Variants in INPP4B observed in about 807,000 individuals in gnomAD.
The protein encoded by INPP4B is inositol polyphosphate-4-phosphatase type II B.
A neutral mutation model predicts 122.5 loss-of-function variants in INPP4B; 55 were observed. That is an observed-to-expected ratio of 0.45 (90% CI 0.36 to 0.56). The LOEUF (loss-of-function observed/expected upper bound fraction) is 0.56. INPP4B is among the 20% of genes least tolerant of loss of function. The pLI is 0.00. For missense variants in INPP4B, 1,000 were observed against 1,097.7 expected (o/e 0.91, Z 1.26); for synonymous variants, 403 against 388.7 (o/e 1.04, Z -0.43).
chr4:142,063,249 C>T (rs1389273815), intron 25 of INPP4B, among the ~76,000 whole-genome samples: 1 of 152,112 alleles, frequency 6.6e-6, no homozygotes, highest in Non-Finnish European at 1.5e-5. Context: ...TCTGCCTGAA[C>T]AGAAAGCCTA....
chr4:142,614,142 G>A (rs577033111), intron 2 of INPP4B, among the ~76,000 whole-genome samples: 1 of 152,280 alleles, frequency 6.6e-6, no homozygotes, highest in South Asian at 2.1e-4. Context: ...AGAATCACTT[G>A]AGGCTGGGAG....
At chr4:142,516,202 T>A (rs1470653016) in intron 2 of INPP4B, among the ~76,000 whole-genome samples, 2 of 152,226 alleles carry the variant, frequency 1.3e-5, no homozygotes, top group South Asian at 2.1e-4. Flanking sequence ...CTCAATTCTA[T>A]TACTGCAAAC....
intron 3 of INPP4B, among the ~76,000 whole-genome samples, chr4:142,444,051 G>C (rs1812397054): frequency 6.6e-6 from 1 of 152,070 alleles, no homozygotes; most frequent in South Asian, 2.1e-4. Context: ...TGACCAGATG[G>C]GGAATTTTAG....
At chr4:142,219,463 C>T (rs1159047007) in intron 12 of INPP4B, among the ~76,000 whole-genome samples, 3 of 152,186 alleles carry the variant, frequency 2.0e-5, no homozygotes, top group African/African-American at 4.8e-5. Flanking sequence ...AGTTATTAAA[C>T]ATGGCCAGCA....
rs187422807 is a variant in INPP4B, at chr4:142,028,422, A to G, written c.*360T>C. ...CCTCTCCTCTCTTCCATTTGGTTGG[A>G]GAGTGGTGCTCTGTGAATCACCCCT... is the stretch of plus-strand genomic sequence containing the variant. On this transcript the variant is annotated 3_prime_UTR_variant, in exon 26 of 26. Coordinates refer to ENST00000262992, the MANE Select transcript of INPP4B (RefSeq NM_001101669.3). The G allele has an allele frequency of 1.6e-4, 40 of 246,522 alleles. No homozygotes were observed. Among genetic ancestry groups the G allele is most frequent in the Non-Finnish European group, 2.5e-4 (32 of 127,476 alleles). The allele number at this position is 246,522 out of a possible 1,614,324, so 15.3% of individuals were successfully genotyped here.
intron 6 of INPP4B, 84 bp downstream of exon 6, chr4:142,405,122 G>GGGGA: frequency 8.5e-6 from 6 of 701,882 alleles, no homozygotes; most frequent in Non-Finnish European, 1.5e-5. Context: ...CGGGGGTGGG[G>GGGGA]GGGAGGGAGA....
chr4:142,165,793 T>C (rs1211668400), intron 16 of INPP4B, among the ~76,000 whole-genome samples: 1 of 151,798 alleles, frequency 6.6e-6, no homozygotes, highest in African/African-American at 2.4e-5. Flanking sequence ...GAAACATTGC[T>C]GAAACATTCA....
chr4:142,505,903 G>A (rs999733631), intron 2 of INPP4B, among the ~76,000 whole-genome samples: 1 of 152,050 alleles, frequency 6.6e-6, no homozygotes, highest in African/African-American at 2.4e-5. Context: ...AACAATTCCT[G>A]CAATGCCTAC....
intron 3 of INPP4B, among the ~76,000 whole-genome samples, chr4:142,442,295 C>T (rs957196416): frequency 2.0e-5 from 3 of 150,928 alleles, no homozygotes; most frequent in African/African-American, 7.3e-5. Flanking sequence ...GCCTGTAATC[C>T]CAGCTATATG....
chr4:142,037,725 C>G (rs1744848151), intron 25 of INPP4B, among the ~76,000 whole-genome samples: 1 of 152,026 alleles, frequency 6.6e-6, no homozygotes, highest in Non-Finnish European at 1.5e-5. Flanking sequence ...TCTGATGGAT[C>G]AATATTAATA....
At chr4:142,789,524 G>A (rs554817479) in intron 1 of INPP4B, among the ~76,000 whole-genome samples, 2 of 151,894 alleles carry the variant, frequency 1.3e-5, no homozygotes, top group East Asian at 3.9e-4. Context: ...AATGAAGGAG[G>A]TTAGGTATAT....
At chr4:142,689,654 C>A (rs1369478479) in intron 2 of INPP4B, among the ~76,000 whole-genome samples, 1 of 152,134 alleles carries the variant, frequency 6.6e-6, no homozygotes, top group Non-Finnish European at 1.5e-5. Flanking sequence ...ATTAATTCTG[C>A]AAACTTGTTA....
chr4:142,057,935 T>C (rs561710187), intron 25 of INPP4B, among the ~76,000 whole-genome samples: 1 of 152,256 alleles, frequency 6.6e-6, no homozygotes, highest in South Asian at 2.1e-4. Flanking sequence ...TGTGAGCATG[T>C]ATTGCACTTT....
intron 2 of INPP4B, among the ~76,000 whole-genome samples, chr4:142,580,535 G>A (rs996147282): frequency 8.5e-5 from 13 of 152,136 alleles, no homozygotes; most frequent in African/African-American, 2.6e-4. Flanking sequence ...CACGACAGCT[G>A]TGGTGAAAAT....
At chr4:142,517,048 T>G (rs1825500054) in intron 2 of INPP4B, among the ~76,000 whole-genome samples, 2 of 151,890 alleles carry the variant, frequency 1.3e-5, no homozygotes, top group Non-Finnish European at 2.9e-5. Context: ...AGCATTAATT[T>G]CTTGATCTAG....
chr4:142,359,225 C>CA (rs36016956), intron 7 of INPP4B, among the ~76,000 whole-genome samples: 1,718 of 143,698 alleles, frequency 0.012, 25 homozygotes, highest in African/African-American at 0.033. Context: ...AACAAACAAA[C>CA]AAAAAAAAAA....
intron 1 of INPP4B, among the ~76,000 whole-genome samples, chr4:142,836,276 A>AAC (rs137941672): frequency 9.2e-5 from 14 of 151,904 alleles, no homozygotes; most frequent in South Asian, 4.2e-4. Context: ...GGGGCACACA[A>AAC]ACACACACAC....
chr4:142,479,135 C>T (rs2149726343), intron 2 of INPP4B, among the ~76,000 whole-genome samples: 1 of 152,168 alleles, frequency 6.6e-6, no homozygotes, highest in African/African-American at 2.4e-5. Flanking sequence ...GAAACAAACT[C>T]ATTAAAAAGT....
chr4:142,188,143 T>C (rs1373815451), intron 15 of INPP4B, among the ~76,000 whole-genome samples: 2 of 152,100 alleles, frequency 1.3e-5, no homozygotes, highest in African/African-American at 2.4e-5. Flanking sequence ...ATCAGTTAAA[T>C]TATTTATTAA....
Sources: gnomAD v4.1 joint callset for allele counts (sites outside exome capture counted in the v4.1 genomes callset) on GRCh38, gnomAD v4.1.1 for gene constraint, MANE v1.5 for transcripts, NCBI Gene and HGNC (gene_info 2026-07-23, HGNC 2026-07-21) for gene names.